Variants in LONP2 observed in about 807,000 individuals in gnomAD.
The protein encoded by LONP2 is lon protease homolog 2, peroxisomal.
In LONP2, 60 loss-of-function variants were observed where a neutral mutation model predicts 85.6. That is an observed-to-expected ratio of 0.70 (90% confidence interval 0.57 to 0.87). The LOEUF is 0.87. LONP2 is among the 40% of genes least tolerant of loss of function. The pLI, the probability that LONP2 is intolerant of heterozygous loss-of-function variation, is 0.00. For synonymous variants in LONP2, 395 were observed against 389.7 expected (o/e 1.01, Z -0.16); for missense variants, 860 against 1,063.5 (o/e 0.81, Z 2.66).
intron 8 of LONP2, among the ~76,000 whole-genome samples, chr16:48,282,145 AC>A (rs1415264905): frequency 6.6e-6 from 1 of 152,066 alleles, no homozygotes; most frequent in Non-Finnish European, 1.5e-5. Context: ...ACAGTGGCTC[AC>A]GCCTGTAATC....
At chr16:48,255,707 A>G (rs1285500920) in intron 2 of LONP2, among the ~76,000 whole-genome samples, 1 of 151,828 alleles carries the variant, frequency 6.6e-6, no homozygotes, top group African/African-American at 2.4e-5. Context: ...GTTCCCCCAT[A>G]CTGTTCTCTT....
intron 6 of LONP2, among the ~76,000 whole-genome samples, chr16:48,267,123 G>A (rs1972006184): frequency 6.6e-6 from 1 of 152,150 alleles, no homozygotes; most frequent in Non-Finnish European, 1.5e-5. Flanking sequence ...CTAGAGATGT[G>A]TAGCAGCCAT....
intron 12 of LONP2, among the ~76,000 whole-genome samples, chr16:48,342,944 AAAG>A (rs1457212150): frequency 1.3e-5 from 2 of 152,130 alleles, no homozygotes; most frequent in African/African-American, 4.8e-5. Flanking sequence ...TTGTCCTTGG[AAAG>A]AAGGCCTACA....
In LONP2 at chr16:48,264,982, G is replaced by A. The variant is rs112193503; in HGVS notation, c.982+2110G>A. 6.7e-3 allele frequency among the ~76,000 whole-genome samples: 1,022 copies of A among 152,022 alleles called. 13 individuals are homozygous for A. Among genetic ancestry groups the A allele is most frequent in the African/African-American group, 0.023 (972 of 41,470 alleles). On this transcript the variant is annotated intron_variant, in intron 6 of 14. Coordinates refer to ENST00000285737, the MANE Select transcript of LONP2 (RefSeq NM_031490.5). ...TTGTTTGTTTGTTTTTTTAAATAAT[G>A]GCCATCCTAACAGGCATAAAGTGCT...
At chr16:48,344,919 AAAAC>A (rs1959916682) in intron 12 of LONP2, 1 of 152,476 alleles carries the variant, frequency 6.6e-6, no homozygotes, top group East Asian at 1.9e-4. Context: ...ACTCTGTCTC[AAAAC>A]AAACAAAACA....
chr16:48,283,062 C>T (rs1017440142), intron 8 of LONP2, among the ~76,000 whole-genome samples: 5 of 152,130 alleles, frequency 3.3e-5, no homozygotes, highest in East Asian at 3.8e-4. Context: ...TCCCTTAAGC[C>T]GAAACCTAGT....
chr16:48,295,546 A>G (rs1242805373), intron 8 of LONP2, among the ~76,000 whole-genome samples: 1 of 152,234 alleles, frequency 6.6e-6, no homozygotes, highest in Non-Finnish European at 1.5e-5. Context: ...TCAGTTAAAT[A>G]ATTTATACCA....
downstream of LONP2, chr16:48,362,297 G>A: frequency 6.2e-7 from 1 of 1,614,180 alleles, no homozygotes; most frequent in South Asian, 1.1e-5. The surrounding 1 kb of genome is among the most constrained non-coding windows in gnomAD (Gnocchi z 4.2). Flanking sequence ...CATAGTCAAA[G>A]CAGACTGGAC....
At position 48,244,557 on chromosome 16, in the gene LONP2, C is replaced by G. The variant is rs1447988242; in HGVS notation, c.169C>G (p.Leu57Val). Residue 57 changes from leucine (L) to valine (V), a missense_variant, in exon 1 of 15, where the codon CTG (leucine) becomes GTG (valine). Leu to Val is a conservative substitution (Grantham distance 32). This residue lies in a region of LONP2 where 743 missense variants were observed against 917.3 expected (regional missense o/e 0.81). Transcript: ENST00000285737. The stretch of plus-strand genomic sequence containing the variant: ...GGGCACGTCGCTGCAAAGCACCATC[C>G]TGGGCGTCATCCCCAACACGCCTGA... Reference protein sequence around the residue: ...LKGTSLQSTILGVIPNTPDPA... With the variant: ...LKGTSLQSTIVGVIPNTPDPA... The G allele has an allele frequency of 3.2e-6, 5 of 1,538,740 alleles. No homozygotes were observed. The highest frequency in any genetic ancestry group is 4.4e-6 in the Non-Finnish European group (5 of 1,145,676).
intron 11 of LONP2, among the ~76,000 whole-genome samples, chr16:48,310,757 T>C (rs570250799): frequency 9.2e-5 from 14 of 152,266 alleles, no homozygotes; most frequent in African/African-American, 2.9e-4. Flanking sequence ...TATAATTGTT[T>C]CATAAAACTT....
At chr16:48,327,356 T>C (rs1873768208) in intron 11 of LONP2, among the ~76,000 whole-genome samples, 2 of 152,182 alleles carry the variant, frequency 1.3e-5, no homozygotes, top group East Asian at 1.9e-4. Flanking sequence ...AGTGGGAAAA[T>C]AGTCGAAGTG....
chr16:48,340,822 G>A (rs942787495), intron 12 of LONP2, among the ~76,000 whole-genome samples: 2 of 152,008 alleles, frequency 1.3e-5, no homozygotes, highest in Admixed American at 6.6e-5. Flanking sequence ...GAAGGCTGAG[G>A]TGGGATCCAC....
chr16:48,355,396 C>T lies in LONP2; in HGVS notation c.*3594C>T, dbSNP rs902467277. 1 of 152,152 alleles carries T rather than the reference C, an allele frequency of 6.6e-6. No individual in the cohort carries two copies. Among genetic ancestry groups the T allele is most frequent in the Non-Finnish European group, 1.5e-5 (1 of 68,022 alleles). The allele number at this position is 152,152 out of a possible 1,614,324, so 9.4% of individuals were successfully genotyped here. A position where few individuals can be genotyped will look rare whatever the true frequency, so the allele number is the denominator to read the frequency against. ...TGAGGACACAGCAACAGGCCCCGTCCTAGAAGCTGAGACTGGGCCCTCAAT... is the reference window on the plus strand; with the variant it reads ...TGAGGACACAGCAACAGGCCCCGTCTTAGAAGCTGAGACTGGGCCCTCAAT... On this transcript the variant is annotated 3_prime_UTR_variant, in exon 15 of 15. Coordinates refer to ENST00000285737, the MANE Select transcript of LONP2 (RefSeq NM_031490.5).
At position 48,336,414 on chromosome 16, in the gene LONP2, TGTG is replaced by T. The variant is rs757839720; in HGVS notation, c.1938+2060_1938+2062del. On this transcript the variant is annotated intron_variant, in intron 12 of 14. Transcript: ENST00000285737. ...ATAGATAGCATCTTAGAATGGAAGA[TGTG>T]GTGTGTCACATGCGTGCGTGCGGAG... 253 of 456,276 alleles carry T rather than the reference TGTG, an allele frequency of 5.5e-4. 1 individual carries two copies. Among genetic ancestry groups the T allele is most frequent in the Non-Finnish European group, 6.9e-4 (156 of 226,976 alleles). The allele number at this position is 456,276 out of a possible 1,614,324, so 28.3% of individuals were successfully genotyped here.
At chr16:48,361,276 A>G (rs565580665), downstream of LONP2, 19 of 301,590 alleles carry the variant, frequency 6.3e-5, no homozygotes, top group African/African-American at 3.9e-4. Context: ...CAACAATACA[A>G]TCAATCTACA....
chr16:48,293,407 G>A (rs961214295), intron 8 of LONP2, among the ~76,000 whole-genome samples: 4 of 151,582 alleles, frequency 2.6e-5, no homozygotes, highest in African/African-American at 7.3e-5. Flanking sequence ...TAGCCTGGGC[G>A]AAAGAACGAG....
chr16:48,334,714 G>A (rs529691566), intron 12 of LONP2: 3 of 552,160 alleles, frequency 5.4e-6, no homozygotes, highest in Non-Finnish European at 1.1e-5. Flanking sequence ...TCAGCTGTTT[G>A]CCCTCAAATA....
Position 48,273,688 on chromosome 16 carries a change from A to G in LONP2, c.1241+3414A>G, listed in dbSNP as rs142074204. On this transcript the variant is annotated intron_variant, in intron 7 of 14. Coordinates refer to ENST00000285737, the MANE Select transcript of LONP2 (RefSeq NM_031490.5). ...ATAATTTAAGTCAATTCACACAAATATAAGGTAACTAACTTCTTTTAAGAT... is the reference window on the plus strand; with the variant it reads ...ATAATTTAAGTCAATTCACACAAATGTAAGGTAACTAACTTCTTTTAAGAT... Among the ~76,000 whole-genome samples, 7 of 152,314 alleles carry G rather than the reference A, an allele frequency of 4.6e-5. No homozygotes were observed. The East Asian group carries it at 9.6e-4, about 21-fold the overall frequency.
At chr16:48,347,481 A>G (rs775389916) in intron 12 of LONP2, 26 bp from the exon 13 acceptor site, 33 of 1,613,384 alleles carry the variant, frequency 2.0e-5, no homozygotes, top group Non-Finnish European at 2.5e-5. Context: ...TGCCAACCCA[A>G]CTCTGATCAT....
Sources: allele counts gnomAD v4.1 joint callset (sites outside exome capture counted in the v4.1 genomes callset), GRCh38; gene constraint gnomAD v4.1.1; regional missense constraint gnomAD v4.1.1; non-coding constraint Gnocchi (gnomAD v3.1); transcripts MANE v1.5; gene names NCBI Gene and HGNC (gene_info 2026-07-23, HGNC 2026-07-21).